Variants in TENM1 observed in about 807,000 individuals in gnomAD.
TENM1 encodes the protein teneurin transmembrane protein 1.
Under a neutral mutation model 174.8 loss-of-function variants are expected in TENM1, and 35 were observed. The ratio of observed to expected loss-of-function variants is 0.20; its 90% CI spans 0.15 to 0.27. The LOEUF (loss-of-function observed/expected upper bound fraction) is 0.27. TENM1 is among the 10% of genes least tolerant of loss of function. TENM1 has a pLI of 1.00. For synonymous variants in TENM1, 781 were observed against 798.7 expected (o/e 0.98, Z 0.37); for missense variants, 1,633 against 2,130.1 (o/e 0.77, Z 4.59).
At chrX:124,756,848 G>C (rs927934306) in intron 3 of TENM1, among the ~76,000 whole-genome samples, 1 of 111,725 alleles carries the variant, frequency 9.0e-6, no homozygotes, top group African/African-American at 3.3e-5. Context: ...GGTTCCTCTG[G>C]AAGTTTTGTC....
At chrX:124,708,943 C>T (rs777457163) in intron 4 of TENM1, among the ~76,000 whole-genome samples, 1 of 111,224 alleles carries the variant, frequency 9.0e-6, no homozygotes, top group African/African-American at 3.3e-5. Context: ...TTATTGAGCG[C>T]CTAGATGGGC....
At chrX:125,108,745 CGTGTATATATATATATACACAGAT>C in the TENM1 span, among the ~76,000 whole-genome samples, 1 of 86,367 alleles carries the variant, frequency 1.2e-5, no homozygotes, top group Non-Finnish European at 2.1e-5. Context: ...CACACACACA[CGTGTATATATATATATACACAGAT>C]GTGTATATAT....
the TENM1 span, among the ~76,000 whole-genome samples, chrX:125,130,607 T>C: frequency 9.0e-6 from 1 of 111,399 alleles, no homozygotes; most frequent in Non-Finnish European, 1.9e-5. Flanking sequence ...TGATTATAAT[T>C]GAAATTATTT....
At chrX:124,571,568 A>C (rs751006354) in intron 11 of TENM1, among the ~76,000 whole-genome samples, 12 of 112,038 alleles carry the variant, frequency 1.1e-4, no homozygotes, top group African/African-American at 3.9e-4. Flanking sequence ...GAATATAAAA[A>C]ATAGAGAAAC....
intron 3 of TENM1, among the ~76,000 whole-genome samples, chrX:124,874,327 A>G (rs376346142): frequency 9.0e-6 from 1 of 111,376 alleles, no homozygotes; most frequent in East Asian, 2.8e-4. Context: ...AATTTAGTTC[A>G]GTTTTAATAT....
At chrX:124,457,849 C>T (rs1422400782) in intron 22 of TENM1, among the ~76,000 whole-genome samples, 3 of 112,100 alleles carry the variant, frequency 2.7e-5, no homozygotes, top group Admixed American at 1.9e-4. Flanking sequence ...AGGCCACCTA[C>T]ATTTTTATTA....
chrX:124,916,776 TTCTCTC>T (rs376505358), intron 1 of TENM1, among the ~76,000 whole-genome samples: 153 of 101,973 alleles, frequency 1.5e-3, no homozygotes, highest in Non-Finnish European at 2.6e-3. Context: ...TTCACCCCCT[TTCTCTC>T]TCTCTCTCTC....
chrX:124,545,384 T>C (rs1364563393), intron 15 of TENM1, among the ~76,000 whole-genome samples: 2 of 112,426 alleles, frequency 1.8e-5, no homozygotes, highest in Non-Finnish European at 3.8e-5. Flanking sequence ...TCTAAGTTTA[T>C]TGCTCACATG....
chrX:124,452,633 A>G (rs2061052938), intron 23 of TENM1, among the ~76,000 whole-genome samples: 1 of 111,550 alleles, frequency 9.0e-6, no homozygotes, highest in Non-Finnish European at 1.9e-5. Context: ...ATGTCCAACA[A>G]TGATAGACTG....
intron 11 of TENM1, among the ~76,000 whole-genome samples, chrX:124,641,235 G>A (rs1015942519): frequency 4.5e-5 from 5 of 112,013 alleles, no homozygotes; most frequent in African/African-American, 1.6e-4. Context: ...GGAATAGTTT[G>A]TGGTAGGCTT....
intron 11 of TENM1, among the ~76,000 whole-genome samples, chrX:124,572,597 A>T (rs1346833236): frequency 9.0e-6 from 1 of 111,479 alleles, no homozygotes; most frequent in Non-Finnish European, 1.9e-5. Context: ...CAAAAAGGCA[A>T]CCAAAGACAT....
intron 23 of TENM1, among the ~76,000 whole-genome samples, chrX:124,425,032 G>T (rs187137966): frequency 9.0e-6 from 1 of 111,159 alleles, no homozygotes; most frequent in Admixed American, 9.6e-5. Flanking sequence ...GGATTAATAC[G>T]GTGTCCTCCA....
At chrX:124,558,177 C>T (rs192133885) in intron 14 of TENM1, among the ~76,000 whole-genome samples, 5 of 111,904 alleles carry the variant, frequency 4.5e-5, no homozygotes, top group African/African-American at 9.7e-5. Flanking sequence ...TCTGGACCAG[C>T]GGTGTCACCC....
Position 124,668,397 on chromosome X carries a change from C to T in TENM1, c.1168+3286G>A, listed in dbSNP as rs1293745081. ...TCATGCTGCTATAAAGACACATGCA[C>T]ACGTATGTTTACTGCGGCACTATTC... On this transcript the variant is annotated intron_variant, in intron 6 of 31. Coordinates refer to ENST00000422452, the Ensembl canonical transcript of TENM1. Among the ~76,000 whole-genome samples, 3 of 111,839 alleles carry T rather than the reference C, an allele frequency of 2.7e-5. No individual in the cohort carries two copies. In the East Asian group the frequency reaches 8.4e-4, roughly 31 times the overall value.
intron 3 of TENM1, among the ~76,000 whole-genome samples, chrX:124,756,728 G>T (rs1216695002): frequency 1.1e-3 from 124 of 109,963 alleles, no homozygotes; most frequent in African/African-American, 3.9e-3. Context: ...CTCAGCTGCA[G>T]GTCTGTTGGA....
intron 3 of TENM1, among the ~76,000 whole-genome samples, chrX:124,738,046 G>A (rs2053717445): frequency 8.9e-6 from 1 of 111,869 alleles, no homozygotes; most frequent in East Asian, 2.8e-4. Flanking sequence ...TAAAGACAGT[G>A]AGTTAGAATT....
At chrX:124,443,251 AGTT>A (rs1315242884) in intron 23 of TENM1, among the ~76,000 whole-genome samples, 2 of 111,418 alleles carry the variant, frequency 1.8e-5, no homozygotes, top group African/African-American at 6.5e-5. Context: ...GACAAGAGAA[AGTT>A]GTTTTTTCAG....
chrX:124,806,736 A>G (rs1274487617), intron 3 of TENM1, among the ~76,000 whole-genome samples: 2 of 111,753 alleles, frequency 1.8e-5, no homozygotes, highest in Non-Finnish European at 3.8e-5. Flanking sequence ...TGCAGGCTCT[A>G]CAGGAAGCAC....
chrX:124,380,678 C>T, exon 32 of TENM1: 12 of 1,211,861 alleles, frequency 9.9e-6, no homozygotes, highest in African/African-American at 1.7e-5. Context: ...CTGCTTTTCC[C>T]CTTCTGTCCA....
Sources: gnomAD v4.1 joint callset for allele counts (sites outside exome capture counted in the v4.1 genomes callset) on GRCh38, gnomAD v4.1.1 for gene constraint, MANE v1.5 for transcripts, NCBI Gene and HGNC (gene_info 2026-07-23, HGNC 2026-07-21) for gene names.